Variants in NPAS3 observed in about 807,000 individuals in gnomAD.
The protein encoded by NPAS3 is neuronal PAS domain protein 3, also known as neuronal PAS domain-containing protein 3.
A neutral mutation model predicts 73.1 loss-of-function variants in NPAS3; 14 were observed. The ratio of observed to expected loss-of-function variants is 0.19; its 90% CI spans 0.13 to 0.30. The LOEUF (loss-of-function observed/expected upper bound fraction) is 0.30. Ranked by LOEUF, NPAS3 falls within the 10% of genes least tolerant of loss-of-function variation. The pLI is 1.00. For missense variants in NPAS3, 1,096 were observed against 1,250.0 expected (o/e 0.88, Z 1.86); for synonymous variants, 620 against 541.5 (o/e 1.14, Z -2.01).
intron 6 of NPAS3, among the ~76,000 whole-genome samples, chr14:33,719,133 C>T (rs2061036571): frequency 6.6e-6 from 1 of 152,174 alleles, no homozygotes; most frequent in Admixed American, 6.5e-5. Context: ...AGAGCTATCC[C>T]CAGTTGCTAA....
intron 2 of NPAS3, among the ~76,000 whole-genome samples, chr14:33,157,902 G>A (rs1233852018): frequency 2.0e-5 from 3 of 152,124 alleles, no homozygotes; most frequent in African/African-American, 4.8e-5. Flanking sequence ...AAGATTACAC[G>A]AAGATGACAT....
chr14:33,620,481 A>C (rs1224166380), intron 5 of NPAS3, among the ~76,000 whole-genome samples: 3 of 152,192 alleles, frequency 2.0e-5, no homozygotes, highest in Non-Finnish European at 4.4e-5. Context: ...TAGGACAGGA[A>C]GATAGAAGTG....
intron 5 of NPAS3, among the ~76,000 whole-genome samples, chr14:33,667,757 C>T (rs866941752): frequency 4.6e-5 from 7 of 152,064 alleles, no homozygotes; most frequent in Non-Finnish European, 7.4e-5. Flanking sequence ...ACATGGTATT[C>T]GGGAGGGTCA....
intron 3 of NPAS3, among the ~76,000 whole-genome samples, chr14:33,299,494 GC>G (rs1324623837): frequency 8.5e-5 from 13 of 152,128 alleles, no homozygotes; most frequent in Admixed American, 8.5e-4. Context: ...TTGACTTGAA[GC>G]CCACCAAGTA....
chr14:33,798,853 T>G (rs1020001039), intron 11 of NPAS3, among the ~76,000 whole-genome samples: 4 of 151,560 alleles, frequency 2.6e-5, no homozygotes, highest in African/African-American at 9.7e-5. Context: ...AACTAAAATA[T>G]ACAGTGAGGT....
At chr14:33,419,821 G>A (rs1031309595) in intron 4 of NPAS3, among the ~76,000 whole-genome samples, 13 of 151,908 alleles carry the variant, frequency 8.6e-5, no homozygotes, top group Non-Finnish European at 1.6e-4. Flanking sequence ...ATGAGAGGCT[G>A]TGTGGGAAAG....
intron 1 of NPAS3, among the ~76,000 whole-genome samples, chr14:32,961,990 C>A (rs2036940729): frequency 6.6e-6 from 1 of 151,874 alleles, no homozygotes; most frequent in African/African-American, 2.4e-5. Context: ...AATAATTAAA[C>A]ACAAATATAA....
At chr14:33,309,527 G>T (rs2140187015) in intron 3 of NPAS3, among the ~76,000 whole-genome samples, 1 of 152,306 alleles carries the variant, frequency 6.6e-6, no homozygotes, top group East Asian at 1.9e-4. Context: ...AATTAGGATA[G>T]GAGACAGTTG....
At chr14:33,212,244 A>T (rs755906743) in intron 2 of NPAS3, among the ~76,000 whole-genome samples, 1 of 152,194 alleles carries the variant, frequency 6.6e-6, no homozygotes, top group Non-Finnish European at 1.5e-5. Flanking sequence ...ACTTTATTGC[A>T]GTTGCCCACA....
At chr14:33,139,526 TG>T (rs1288122366) in intron 2 of NPAS3, among the ~76,000 whole-genome samples, 12 of 152,286 alleles carry the variant, frequency 7.9e-5, no homozygotes, top group South Asian at 6.2e-4. Flanking sequence ...GTGGAGGATG[TG>T]GTTTCTTAAA....
chr14:33,212,388 C>A (rs1455671904), intron 2 of NPAS3, among the ~76,000 whole-genome samples: 1 of 151,924 alleles, frequency 6.6e-6, no homozygotes, highest in Non-Finnish European at 1.5e-5. Context: ...GAAGATTACT[C>A]TAATAGGGGG....
At chr14:33,062,281 C>G (rs1468595992) in intron 2 of NPAS3, among the ~76,000 whole-genome samples, 3 of 149,258 alleles carry the variant, frequency 2.0e-5, no homozygotes, top group Non-Finnish European at 4.4e-5. Context: ...TTGTTCAATT[C>G]CCACCTATGA....
At chr14:33,361,536 G>A (rs2045601778) in intron 3 of NPAS3, among the ~76,000 whole-genome samples, 1 of 152,136 alleles carries the variant, frequency 6.6e-6, no homozygotes, top group African/African-American at 2.4e-5. Context: ...TCATTTATAA[G>A]TATTAAAATT....
intron 4 of NPAS3, among the ~76,000 whole-genome samples, chr14:33,501,574 T>C (rs2052516295): frequency 6.6e-6 from 1 of 151,830 alleles, no homozygotes; most frequent in African/African-American, 2.4e-5. Flanking sequence ...TTGAATAGAA[T>C]CTTTCAGATT....
intron 2 of NPAS3, among the ~76,000 whole-genome samples, chr14:33,168,517 G>A (rs1031150883): frequency 3.3e-5 from 5 of 152,174 alleles, no homozygotes; most frequent in African/African-American, 1.2e-4. Context: ...GAGCTTACTT[G>A]GAGACATTTC....
intron 2 of NPAS3, among the ~76,000 whole-genome samples, chr14:33,089,330 G>A (rs2042144126): frequency 6.6e-6 from 1 of 152,144 alleles, no homozygotes; most frequent in Non-Finnish European, 1.5e-5. Flanking sequence ...GAACACCATG[G>A]CACAAGAACT....
At chr14:33,680,659 G>A in intron 6 of NPAS3, 2 of 702,804 alleles carry the variant, frequency 2.8e-6, no homozygotes, top group Non-Finnish European at 5.2e-6. Context: ...CTGTCAGGAA[G>A]AACATGCCTG....
At chr14:33,108,811 A>T (rs901349687) in intron 2 of NPAS3, among the ~76,000 whole-genome samples, 1 of 152,152 alleles carries the variant, frequency 6.6e-6, no homozygotes, top group Non-Finnish European at 1.5e-5. Flanking sequence ...GATTCCAGAG[A>T]AAAATTTAAT....
chr14:33,138,759 A>G (rs116870328), intron 2 of NPAS3, among the ~76,000 whole-genome samples: 3,129 of 152,310 alleles, frequency 0.021, 57 homozygotes, highest in Middle Eastern at 0.041. Flanking sequence ...GTGAAAATTT[A>G]TATGAAATTC....
Sources: allele counts gnomAD v4.1 joint callset (sites outside exome capture counted in the v4.1 genomes callset), GRCh38; gene constraint gnomAD v4.1.1; transcripts MANE v1.5; gene names NCBI Gene and HGNC (gene_info 2026-07-23, HGNC 2026-07-21).